PHKG1: variants seen among roughly 807,000 people sequenced by gnomAD.
The protein encoded by PHKG1 is phosphorylase kinase catalytic subunit gamma 1.
PHKG1 carries 48 observed loss-of-function variants against 50.5 expected under a neutral mutation model. The ratio of observed to expected loss-of-function variants is 0.95; its 90% CI spans 0.75 to 1.21. PHKG1 has a LOEUF of 1.21. PHKG1 is among the 50% of genes most tolerant of loss of function. The pLI is 0.00. For missense variants in PHKG1, 487 were observed against 519.5 expected, an observed-to-expected ratio of 0.94 and a Z score of 0.61; for synonymous variants, 204 against 212.8, an observed-to-expected ratio of 0.96 and a Z score of 0.36.
At chr7:56,087,819 C>A (rs1258852131) in intron 2 of PHKG1, 43 bp from the exon 3 acceptor site, 1 of 1,531,274 alleles carries the variant, frequency 6.5e-7, no homozygotes, top group East Asian at 2.3e-5. Flanking sequence ...GCCCCTCACC[C>A]CATGGGGGGT....
intron 4 of PHKG1, chr7:56,084,258 A>G: frequency 6.9e-7 from 1 of 1,445,866 alleles, no homozygotes; most frequent in Middle Eastern, 1.7e-4. Flanking sequence ...TGGAAGTGAC[A>G]GTGTGGACTG....
chr7:56,090,937 C>T (rs774950190), intron 1 of PHKG1, among the ~76,000 whole-genome samples: 5 of 152,270 alleles, frequency 3.3e-5, no homozygotes, highest in East Asian at 1.9e-4. Context: ...TTAGGCGTGG[C>T]GTGATGGCTC....
At chr7:56,082,319 G>T in intron 6 of PHKG1, 66 bp from the exon 7 acceptor site, 3 of 1,258,882 alleles carry the variant, frequency 2.4e-6, no homozygotes, top group Non-Finnish European at 3.4e-6. Flanking sequence ...CAGGCTGGCC[G>T]CAGTGGCTCA....
In PHKG1 at chr7:56,088,846, G is replaced by C. The variant is rs1313860455; in HGVS notation, c.83+13C>G. The C allele has an allele frequency of 6.3e-7, 1 of 1,598,796 alleles. No homozygotes were observed. The highest frequency in any genetic ancestry group is 1.7e-5 in the Admixed American group (1 of 59,934). ...CCTAGGACAGCACTTCGTGGGGAAA[G>C]CTTGGGCTTTACCTGCCCAGGATCT... On this transcript the variant is annotated intron_variant, in intron 2 of 9. Transcript: ENST00000297373.
intron 4 of PHKG1, chr7:56,084,069 T>A (rs1426014163): frequency 2.5e-5 from 19 of 766,216 alleles, no homozygotes; most frequent in Admixed American, 5.1e-5. Flanking sequence ...CAGGTTCCCA[T>A]TACCCTAGTT....
intron 2 of PHKG1, 112 bp from the exon 3 acceptor site, chr7:56,087,888 C>T: frequency 2.5e-6 from 2 of 807,960 alleles, no homozygotes; most frequent in Non-Finnish European, 3.9e-6. Flanking sequence ...ACACTTTCCC[C>T]CAACTTCCTC....
Position 56,081,547 on chromosome 7 carries a change from G to A in PHKG1, c.918+83C>T, listed in dbSNP as rs1795992326. ...GGGATGGGTACTCTGGAAATTCACG[G>A]GGTGTAAGGACTCCTGGGAGAGGAG... On this transcript the variant is annotated intron_variant, in intron 9 of 9. Coordinates refer to ENST00000297373, the MANE Select transcript of PHKG1 (RefSeq NM_006213.5). The surrounding 1 kb of genome is among the most constrained non-coding windows in gnomAD (Gnocchi z 4.6). 14 of 1,494,908 alleles carry A rather than the reference G, an allele frequency of 9.4e-6. No homozygotes were observed. In the South Asian group the frequency reaches 1.5e-4, roughly 16 times the overall value. 92.6% of individuals were successfully genotyped at this position (1,494,908 alleles called of 1,614,324 possible).
chr7:56,084,352 A>G, intron 4 of PHKG1: 1 of 606,500 alleles, frequency 1.6e-6, no homozygotes, highest in Non-Finnish European at 2.9e-6. Context: ...CCCAGATCAG[A>G]AGGACGTGAG....
chr7:56,082,647 C>T (rs923377709), intron 6 of PHKG1, among the ~76,000 whole-genome samples: 8 of 151,958 alleles, frequency 5.3e-5, no homozygotes, highest in African/African-American at 1.2e-4. Context: ...ACAGAAATGG[C>T]GCTCGGGCTG....
Position 56,081,350 on chromosome 7 carries a change from C to T in PHKG1, c.919-51G>A, listed in dbSNP as rs755598642. ...GCTGCAGCCCCCGCCCTGCCAGGCC[C>T]TGCCCCTCCAGCACAGGGACGCTCT... is the stretch of plus-strand genomic sequence containing the variant. On this transcript the variant is annotated intron_variant, in intron 9 of 9. Coordinates refer to ENST00000297373, the MANE Select transcript of PHKG1 (RefSeq NM_006213.5). This position sits in a 1 kb window ranked among gnomAD's most constrained non-coding sequence, Gnocchi z 4.6. 607 of 1,560,602 alleles carry T rather than the reference C, an allele frequency of 3.9e-4. 2 individuals are homozygous for T. In the Middle Eastern group the frequency reaches 0.013, roughly 32 times the overall value.
At chr7:56,088,225 G>C (rs1796351395) in intron 2 of PHKG1, among the ~76,000 whole-genome samples, 1 of 151,840 alleles carries the variant, frequency 6.6e-6, no homozygotes, top group Non-Finnish European at 1.5e-5. Flanking sequence ...ACTGGAGATG[G>C]GGTTTCAACA....
In PHKG1 at chr7:56,080,925, T is replaced by C. The variant is rs1396301839; in HGVS notation, c.*129A>G. ...TTTGAGAGGGGATCGTGGCCTCAGT[T>C]CCAGGGGTTCCTGGCCAGGGCCAAG... On this transcript the variant is annotated 3_prime_UTR_variant, in exon 10 of 10. Coordinates refer to ENST00000297373, the MANE Select transcript of PHKG1 (RefSeq NM_006213.5). 9.0e-7 allele frequency: 1 copy of C among 1,113,510 alleles called. No homozygotes were observed. The highest frequency in any genetic ancestry group is 1.3e-6 in the Non-Finnish European group (1 of 789,446). 69.0% of individuals were successfully genotyped at this position (1,113,510 alleles called of 1,614,324 possible).
Position 56,083,259 on chromosome 7 carries a change from C to T in PHKG1, c.547+19G>A. 1 of 1,613,032 alleles carries T rather than the reference C, an allele frequency of 6.2e-7. No homozygotes were observed. Among genetic ancestry groups the T allele is most frequent in the Non-Finnish European group, 8.5e-7 (1 of 1,179,584 alleles). On this transcript the variant is annotated intron_variant, in intron 6 of 9. Coordinates refer to ENST00000297373, the MANE Select transcript of PHKG1 (RefSeq NM_006213.5). ...GAGCACCCGAGGCCTGGACGTGGGC[C>T]AAGGCCATGTTACCAGACCTCGCAG... is the stretch of plus-strand genomic sequence containing the variant.
intron 4 of PHKG1, among the ~76,000 whole-genome samples, chr7:56,086,222 T>C (rs995740624): frequency 2.0e-5 from 3 of 151,854 alleles, no homozygotes; most frequent in Non-Finnish European, 4.4e-5. Context: ...TTTATCTGCA[T>C]AGGATATGTT....
In PHKG1 at chr7:56,081,420, C is replaced by G; in HGVS notation, c.919-121G>C. 1 of 1,329,306 alleles carries G rather than the reference C, an allele frequency of 7.5e-7. No individual in the cohort carries two copies. The highest frequency in any genetic ancestry group is 2.5e-5 in the East Asian group (1 of 40,664). The allele number at this position is 1,329,306 out of a possible 1,614,324, so 82.3% of individuals were successfully genotyped here. On this transcript the variant is annotated intron_variant, in intron 9 of 9. Coordinates refer to ENST00000297373, the MANE Select transcript of PHKG1 (RefSeq NM_006213.5). The surrounding 1 kb of genome is among the most constrained non-coding windows in gnomAD (Gnocchi z 4.6). ...CCTTGGGTGGCTTCTGCGGGGCCTT[C>G]CTAGTGTCCCCCACTTCCCACTTGG...
Position 56,081,053 on chromosome 7 carries a change from C to T in PHKG1, c.*1G>A, listed in dbSNP as rs533321342. On this transcript the variant is annotated 3_prime_UTR_variant, in exon 10 of 10. Coordinates refer to ENST00000297373, the MANE Select transcript of PHKG1 (RefSeq NM_006213.5). The surrounding 1 kb of genome is among the most constrained non-coding windows in gnomAD (Gnocchi z 4.6). ...CTAGCCCTCCCTGACTGGCCAGCCC[C>T]TCAGTAGTCCTCCTCGGCCAGGGAG... 1 of 1,611,972 alleles carries T rather than the reference C, an allele frequency of 6.2e-7. No homozygotes were observed. The highest frequency in any genetic ancestry group is 2.2e-5 in the East Asian group (1 of 44,898).
chr7:56,081,632 T>G lies in PHKG1; in HGVS notation c.916A>C (p.Lys306Gln), dbSNP rs575074725. The G allele has an allele frequency of 1.2e-6, 2 of 1,613,570 alleles. No individual in the cohort carries two copies. The highest frequency in any genetic ancestry group is 2.2e-5 in the East Asian group (1 of 44,866). Reference protein sequence around the residue: ...VRHFSPRGKFKVIALTVLASV... With the variant: ...VRHFSPRGKFQVIALTVLASV... ...GCCTGGATCAGGACGCTTAGTACCT[T>G]GAACTTCCCCCGGGGGCTGAAGTGC... The change falls in exon 9 of 10, where the codon AAG (lysine) becomes CAG (glutamine). Residue 306 changes from lysine (K) to glutamine (Q), a missense_variant and splice_region_variant. Lys to Gln is a moderately conservative substitution (Grantham distance 53, BLOSUM62 1). Coordinates refer to ENST00000297373, the MANE Select transcript of PHKG1 (RefSeq NM_006213.5). This position sits in a 1 kb window ranked among gnomAD's most constrained non-coding sequence, Gnocchi z 4.6.
intron 6 of PHKG1, 147 bp downstream of exon 6, chr7:56,083,131 G>GA (rs914341032): frequency 5.2e-4 from 323 of 622,164 alleles, no homozygotes; most frequent in Middle Eastern, 9.3e-4. Context: ...GAAAGAAAAA[G>GA]AAAAAAAAAT....
In PHKG1 at chr7:56,081,821, C is replaced by CAGGG; in HGVS notation, c.792+68_793-67dup. On this transcript the variant is annotated intron_variant, in intron 8 of 9. Coordinates refer to ENST00000297373, the MANE Select transcript of PHKG1 (RefSeq NM_006213.5). This position sits in a 1 kb window ranked among gnomAD's most constrained non-coding sequence, Gnocchi z 4.6. ...GTCCCCTCCAGCATGTCAGGAAAGG[C>CAGGG]AGGGCCTCCCCGGGCAGGGGCGCCT... 2 of 1,608,816 alleles carry CAGGG rather than the reference C, an allele frequency of 1.2e-6. No individual in the cohort carries two copies. Among genetic ancestry groups the CAGGG allele is most frequent in the Non-Finnish European group, 1.7e-6 (2 of 1,177,048 alleles).
Sources: gnomAD v4.1 joint callset for allele counts (sites outside exome capture counted in the v4.1 genomes callset) on GRCh38, gnomAD v4.1.1 for gene constraint, Gnocchi (gnomAD v3.1) non-coding constraint, MANE v1.5 for transcripts, NCBI Gene and HGNC (gene_info 2026-07-23, HGNC 2026-07-21) for gene names.